The following TTLL5 variants were observed in gnomAD, a reference collection of about 807,000 sequenced individuals.
TTLL5 encodes the protein tubulin polyglutamylase TTLL5.
In TTLL5, 132 loss-of-function variants were observed where a neutral mutation model predicts 168.4. The observed-to-expected ratio is 0.78, with a 90% CI of 0.68 to 0.91. The LOEUF (loss-of-function observed/expected upper bound fraction) is 0.91, where lower values mean the gene tolerates loss of function less well. TTLL5 is among the 40% of genes least tolerant of loss of function. The probability of loss-of-function intolerance (pLI) is 0.00; values close to 1 mark genes in which losing one functional copy is unlikely to be tolerated. For synonymous variants in TTLL5, 546 were observed against 558.6 expected (o/e 0.98, Z 0.32); for missense variants, 1,545 against 1,581.5 (o/e 0.98, Z 0.39).
chr14:75,744,876 G>T, intron 15 of TTLL5: 1 of 391,264 alleles, frequency 2.6e-6, no homozygotes, highest in Non-Finnish European at 4.7e-6. Context: ...AACCCATAGT[G>T]TTCTTTTACT....
chr14:75,669,665 A>T (rs1290710833), intron 3 of TTLL5, 143 bp downstream of exon 3: 1 of 534,116 alleles, frequency 1.9e-6, no homozygotes, highest in Non-Finnish European at 3.1e-6. Context: ...CAAACATTAT[A>T]ATTTCTTAAA....
chr14:75,934,508 G>T (rs959180487), intron 31 of TTLL5, among the ~76,000 whole-genome samples: 1 of 152,172 alleles, frequency 6.6e-6, no homozygotes, highest in African/African-American at 2.4e-5. Context: ...TTAAGACAAG[G>T]TTTTCTGGGG....
chr14:75,863,916 A>AAAAAAAAAG (rs1555352353), intron 29 of TTLL5, 54 bp downstream of exon 29: 4 of 1,230,254 alleles, frequency 3.3e-6, no homozygotes, highest in Non-Finnish European at 4.3e-6. Context: ...GTTGGTAAAA[A>AAAAAAAAAG]AAAAAAAAAA....
intron 31 of TTLL5, chr14:75,902,696 A>G (rs546081106): frequency 3.9e-4 from 173 of 448,470 alleles, no homozygotes; most frequent in Non-Finnish European, 5.5e-4. Context: ...TGCTAATGCC[A>G]TGGTCTGTGG....
chr14:75,810,797 G>C lies in TTLL5; in HGVS notation c.3172-9210G>C, dbSNP rs79665227. ...GGTTTCTTAGGCCTTTGCAGTTTCA[G>C]GGGCATGAAGAAACAAATATACACA... is the stretch of plus-strand genomic sequence containing the variant. On this transcript the variant is annotated intron_variant, in intron 27 of 31. Coordinates refer to ENST00000298832, the MANE Select transcript of TTLL5 (RefSeq NM_015072.5). Among the ~76,000 whole-genome samples the C allele has an allele frequency of 1.3e-3, 202 of 152,290 alleles. 3 individuals are homozygous for C. The South Asian group carries it at 0.015, about 11-fold the overall frequency.
intron 31 of TTLL5, chr14:75,904,319 G>T (rs2033057737): frequency 3.2e-6 from 3 of 933,412 alleles, no homozygotes; most frequent in African/African-American, 3.6e-5. Context: ...TGGCACAAGG[G>T]AATCATGGCC....
chr14:75,709,996 G>A (rs1292710003), intron 9 of TTLL5: 1 of 149,792 alleles, frequency 6.7e-6, no homozygotes, highest in Non-Finnish European at 1.5e-5. Flanking sequence ...TTTGTGTTAT[G>A]AGTTTCATCA....
chr14:75,682,376 G>C (rs565612439), intron 4 of TTLL5, among the ~76,000 whole-genome samples: 1 of 152,208 alleles, frequency 6.6e-6, no homozygotes, highest in South Asian at 2.1e-4. Context: ...AGGTCAGATG[G>C]GGAGAGGCCT....
At chr14:75,934,716 A>C (rs945623769) in intron 31 of TTLL5, among the ~76,000 whole-genome samples, 2 of 152,212 alleles carry the variant, frequency 1.3e-5, no homozygotes, top group African/African-American at 2.4e-5. Context: ...GAAAGTGAAA[A>C]AAAATTATAG....
chr14:75,896,532 T>G (rs1325759375), intron 30 of TTLL5, among the ~76,000 whole-genome samples: 1 of 152,148 alleles, frequency 6.6e-6, no homozygotes, highest in Non-Finnish European at 1.5e-5. Flanking sequence ...TACAGAAAGG[T>G]CATCTCTGAT....
chr14:75,952,060 AATAC>A lies in TTLL5; in HGVS notation c.3824-2358_3824-2355del, dbSNP rs796817895. 3.9e-5 allele frequency among the ~76,000 whole-genome samples: 6 copies of A among 152,342 alleles called. 1 individual carries two copies. Among genetic ancestry groups the A allele is most frequent in the African/African-American group, 1.4e-4 (6 of 41,572 alleles). On this transcript the variant is annotated intron_variant, in intron 31 of 31. Coordinates refer to ENST00000298832, the MANE Select transcript of TTLL5 (RefSeq NM_015072.5). ...TATATGACAAGGGACTTGTATCTAAAATACATACAGAGCGCTTACAATTCAATAA... is the reference window on the plus strand; with the variant it reads ...TATATGACAAGGGACTTGTATCTAAAATACAGAGCGCTTACAATTCAATAA...
chr14:75,767,794 G>A (rs907197557), intron 20 of TTLL5, among the ~76,000 whole-genome samples: 5 of 152,172 alleles, frequency 3.3e-5, no homozygotes, highest in African/African-American at 9.7e-5. Context: ...GTGAGTTAGG[G>A]ACTGTTAGAA....
chr14:75,827,497 G>A (rs1895247515), intron 28 of TTLL5, among the ~76,000 whole-genome samples: 2 of 152,036 alleles, frequency 1.3e-5, no homozygotes, highest in South Asian at 4.1e-4. Context: ...TAGTGAGAGA[G>A]GCAGTGTATG....
At chr14:75,790,878 C>T (rs1892661603) in intron 26 of TTLL5, among the ~76,000 whole-genome samples, 1 of 147,872 alleles carries the variant, frequency 6.8e-6, no homozygotes, top group Non-Finnish European at 1.5e-5. Flanking sequence ...AGACGGATCA[C>T]GAGGTCAGGA....
At chr14:75,898,112 G>A (rs1404224771) in intron 30 of TTLL5, among the ~76,000 whole-genome samples, 2 of 152,062 alleles carry the variant, frequency 1.3e-5, no homozygotes, top group African/African-American at 2.4e-5. Flanking sequence ...TTATATTCTG[G>A]TGTACTATGA....
chr14:75,704,793 G>A (rs1286957395), intron 7 of TTLL5, among the ~76,000 whole-genome samples: 3 of 152,218 alleles, frequency 2.0e-5, no homozygotes, highest in African/African-American at 7.2e-5. Context: ...GCGGATAGAA[G>A]TGAGGGATAA....
chr14:75,783,118 G>A, intron 25 of TTLL5, 29 bp from the exon 26 acceptor site: 1 of 1,565,486 alleles, frequency 6.4e-7, no homozygotes, highest in Non-Finnish European at 8.6e-7. Context: ...TTCCTATAAT[G>A]ATGTCTTGTT....
At chr14:75,914,663 G>A (rs551711964) in intron 31 of TTLL5, among the ~76,000 whole-genome samples, 19 of 125,762 alleles carry the variant, frequency 1.5e-4, no homozygotes, top group Non-Finnish European at 2.7e-4. Flanking sequence ...TTGCTCTGTC[G>A]CCCAGGCTGG....
At chr14:75,939,863 C>T (rs913606157) in intron 31 of TTLL5, among the ~76,000 whole-genome samples, 1 of 152,094 alleles carries the variant, frequency 6.6e-6, no homozygotes, top group Non-Finnish European at 1.5e-5. Context: ...CAAAATCCAC[C>T]CCCACCATCA....
Sources: gnomAD v4.1 joint callset for allele counts (sites outside exome capture counted in the v4.1 genomes callset) on GRCh38, gnomAD v4.1.1 for gene constraint, MANE v1.5 for transcripts, NCBI Gene and HGNC (gene_info 2026-07-23, HGNC 2026-07-21) for gene names.